The following BCAS3 variants were observed in gnomAD, a reference collection of about 807,000 sequenced individuals.
BCAS3 encodes the protein BCAS4/BCAS3 fusion.
In BCAS3, 53 loss-of-function variants were observed where a neutral mutation model predicts 116.1. The ratio of observed to expected loss-of-function variants is 0.46; its 90% CI spans 0.37 to 0.57. BCAS3 has a LOEUF of 0.57. Ranked by LOEUF, BCAS3 falls within the 20% of genes least tolerant of loss-of-function variation. BCAS3 has a pLI of 0.00. For missense variants in BCAS3, 917 were observed against 1,165.4 expected, an observed-to-expected ratio of 0.79 and a Z score of 3.10; for synonymous variants, 391 against 408.2, an observed-to-expected ratio of 0.96 and a Z score of 0.51.
intron 19 of BCAS3, among the ~76,000 whole-genome samples, chr17:61,052,980 G>A (rs1284604013): frequency 2.0e-5 from 3 of 151,988 alleles, no homozygotes; most frequent in Admixed American, 2.0e-4. Flanking sequence ...GCCTCCCAAA[G>A]TGCTGGGATT....
intron 20 of BCAS3, among the ~76,000 whole-genome samples, chr17:61,078,026 T>G (rs969276784): frequency 4.6e-5 from 7 of 152,322 alleles, no homozygotes; most frequent in Admixed American, 4.6e-4. Context: ...GGCAAGCAAC[T>G]GGTCCTTTTA....
chr17:60,873,109 C>G (rs891515636), intron 8 of BCAS3, among the ~76,000 whole-genome samples: 2 of 152,052 alleles, frequency 1.3e-5, no homozygotes, highest in African/African-American at 4.8e-5. Context: ...TTGAGTAATT[C>G]TAAAATTTGA....
chr17:60,781,365 A>G (rs1183275863), intron 6 of BCAS3, among the ~76,000 whole-genome samples: 1 of 151,766 alleles, frequency 6.6e-6, no homozygotes, highest in Non-Finnish European at 1.5e-5. Flanking sequence ...TACAGAGGAC[A>G]AGGTAGAAGG....
intron 22 of BCAS3, among the ~76,000 whole-genome samples, chr17:61,334,352 C>G (rs2056531666): frequency 6.6e-6 from 1 of 152,068 alleles, no homozygotes; most frequent in Non-Finnish European, 1.5e-5. Context: ...GATGATAAAA[C>G]CTATGTTGCA....
intron 7 of BCAS3, among the ~76,000 whole-genome samples, chr17:60,841,591 A>C: frequency 7.0e-6 from 1 of 142,070 alleles, no homozygotes. Context: ...ACAGGGTTTC[A>C]CTGTGGTCTC....
chr17:60,779,327 G>C (rs1353097690), intron 6 of BCAS3, among the ~76,000 whole-genome samples: 1 of 151,286 alleles, frequency 6.6e-6, no homozygotes, highest in Non-Finnish European at 1.5e-5. Flanking sequence ...TTACCTTCAG[G>C]CTATATGTGT....
rs1180989418 is a variant in BCAS3 at position 61,365,676 on chromosome 17, T to C, written c.2426-2651T>C. ...TTTCTTCCTGCTTTGGCTTTTGATA[T>C]TCCTCTTGGTCCCGCTGTCACCCCA... On this transcript the variant is annotated intron_variant, in intron 22 of 23. Coordinates refer to ENST00000407086, the MANE Select transcript of BCAS3 (RefSeq NM_017679.5). The surrounding 1 kb of genome is among the most constrained non-coding windows in gnomAD (Gnocchi z 4.6). 6.6e-6 allele frequency among the ~76,000 whole-genome samples: 1 copy of C among 152,068 alleles called. No individual in the cohort carries two copies. The highest frequency in any genetic ancestry group is 2.4e-5 in the African/African-American group (1 of 41,396).
At chr17:60,692,747 A>T (rs1175354906) in intron 4 of BCAS3, among the ~76,000 whole-genome samples, 2 of 146,142 alleles carry the variant, frequency 1.4e-5, no homozygotes, top group African/African-American at 2.5e-5. Flanking sequence ...AAAAAAAAAA[A>T]TTAGCTGGAG....
intron 5 of BCAS3, among the ~76,000 whole-genome samples, chr17:60,736,497 T>C (rs2040980011): frequency 6.6e-6 from 1 of 152,006 alleles, no homozygotes; most frequent in Admixed American, 6.6e-5. Flanking sequence ...AACGTCTTTT[T>C]TATGGTTCCG....
At chr17:61,275,019 T>C (rs1197380375) in intron 22 of BCAS3, among the ~76,000 whole-genome samples, 1 of 152,108 alleles carries the variant, frequency 6.6e-6, no homozygotes, top group African/African-American at 2.4e-5. Context: ...CTTCACTAAT[T>C]TTTTAATTTT....
chr17:60,874,561 C>G (rs2055416226), intron 8 of BCAS3, 101 bp from the exon 9 acceptor site: 1 of 700,114 alleles, frequency 1.4e-6, no homozygotes, highest in Non-Finnish European at 2.4e-6. Flanking sequence ...TATTAGTAGG[C>G]ACTTGTTTTC....
In BCAS3 at chr17:61,348,020, A is replaced by G. The variant is rs1250948600; in HGVS notation, c.2426-20307A>G. On this transcript the variant is annotated intron_variant, in intron 22 of 23. Coordinates refer to ENST00000407086, the MANE Select transcript of BCAS3 (RefSeq NM_017679.5). This position sits in a 1 kb window ranked among gnomAD's most constrained non-coding sequence, Gnocchi z 4.5. ...ATTCACATTGTAGAAAAGGTCACCC[A>G]GGTGGCACTAGGAAGAATGAATTGA... is the stretch of plus-strand genomic sequence containing the variant. Among the ~76,000 whole-genome samples, 1 of 152,240 alleles carries G rather than the reference A, an allele frequency of 6.6e-6. No homozygotes were observed. Among genetic ancestry groups the G allele is most frequent in the African/African-American group, 2.4e-5 (1 of 41,462 alleles).
At chr17:61,022,303 G>A (rs549029184) in intron 16 of BCAS3, among the ~76,000 whole-genome samples, 215 of 152,244 alleles carry the variant, frequency 1.4e-3, no homozygotes, top group South Asian at 2.5e-3. Context: ...AGGCTGGAGA[G>A]CAGTGGCGTG....
chr17:60,918,618 A>G lies in BCAS3; in HGVS notation c.994-5789A>G, dbSNP rs542463451. ...TCTTTTTCTTTTGTCTGACTGGGTTAGTTTGAAAGGCCTGTCTGTCAAACT... is the reference window on the plus strand; with the variant it reads ...TCTTTTTCTTTTGTCTGACTGGGTTGGTTTGAAAGGCCTGTCTGTCAAACT... On this transcript the variant is annotated intron_variant, in intron 12 of 23. Transcript: ENST00000407086. Among the ~76,000 whole-genome samples, 9 of 149,578 alleles carry G rather than the reference A, an allele frequency of 6.0e-5. No individual in the cohort carries two copies. The East Asian group carries it at 1.8e-3, about 29-fold the overall frequency.
chr17:61,047,059 A>G (rs1305937517), intron 19 of BCAS3, among the ~76,000 whole-genome samples: 1 of 152,002 alleles, frequency 6.6e-6, no homozygotes, highest in Admixed American at 6.6e-5. Flanking sequence ...ACCAGCCCTA[A>G]ACACTAAACA....
chr17:60,851,773 C>G, intron 7 of BCAS3: 1 of 1,085,092 alleles, frequency 9.2e-7, no homozygotes, highest in South Asian at 1.2e-5. Flanking sequence ...TATCAGTGGT[C>G]CCTGTCTCCC....
At chr17:61,115,882 A>C (rs1448620089) in intron 22 of BCAS3, among the ~76,000 whole-genome samples, 4 of 151,902 alleles carry the variant, frequency 2.6e-5, no homozygotes, top group South Asian at 2.1e-4. Flanking sequence ...AAAATGTGGC[A>C]CATATACACC....
rs2081246205 is a variant in BCAS3, at chr17:61,208,009, T to C, written c.2425+123445T>C. Among the ~76,000 whole-genome samples, 1 of 152,184 alleles carries C rather than the reference T, an allele frequency of 6.6e-6. No individual in the cohort carries two copies. Among genetic ancestry groups the C allele is most frequent in the African/African-American group, 2.4e-5 (1 of 41,452 alleles). ...AGAGGGGAAAATTACTATTAGTCTTTTATATGGAAATAACAAAAAACTTAG... is the reference window on the plus strand; with the variant it reads ...AGAGGGGAAAATTACTATTAGTCTTCTATATGGAAATAACAAAAAACTTAG... On this transcript the variant is annotated intron_variant, in intron 22 of 23. Transcript: ENST00000407086. The surrounding 1 kb of genome is among the most constrained non-coding windows in gnomAD (Gnocchi z 4.5).
intron 4 of BCAS3, among the ~76,000 whole-genome samples, chr17:60,705,285 C>T (rs2036967938): frequency 6.6e-6 from 1 of 152,036 alleles, no homozygotes. Context: ...TTGGGAGACC[C>T]AGGACGGCAG....
Sources: gnomAD v4.1 joint callset for allele counts (sites outside exome capture counted in the v4.1 genomes callset) on GRCh38, gnomAD v4.1.1 for gene constraint, Gnocchi (gnomAD v3.1) non-coding constraint, MANE v1.5 for transcripts, NCBI Gene and HGNC (gene_info 2026-07-23, HGNC 2026-07-21) for gene names.